SERGEF: variants seen among roughly 807,000 people sequenced by gnomAD.
SERGEF encodes the protein secretion-regulating guanine nucleotide exchange factor.
SERGEF carries 51 observed loss-of-function variants against 50.0 expected under a neutral mutation model. That is an observed-to-expected ratio of 1.02 (90% CI 0.81 to 1.29). The LOEUF (loss-of-function observed/expected upper bound fraction) is 1.29. Among genes scored for constraint, SERGEF ranks in the 50% most tolerant of loss-of-function variants. The pLI is 0.00. For synonymous variants in SERGEF, 205 were observed against 212.4 expected (o/e 0.97, Z 0.30); for missense variants, 521 against 557.0 (o/e 0.94, Z 0.65).
chr11:17,899,154 A>G lies in SERGEF; in HGVS notation c.1012-20910T>C, dbSNP rs1417662350. 3.9e-5 allele frequency among the ~76,000 whole-genome samples: 6 copies of G among 152,046 alleles called. No homozygotes were observed. In the South Asian group the frequency reaches 6.2e-4, roughly 16 times the overall value. On this transcript the variant is annotated intron_variant, in intron 9 of 10. Transcript: ENST00000265965. ...GCCTGCAGAACCATAAGCCAATGAA[A>G]CCTCTTTTCTTTATAATTTACCAAG...
chr11:17,861,366 C>A (rs1049316888), intron 10 of SERGEF, among the ~76,000 whole-genome samples: 4 of 152,220 alleles, frequency 2.6e-5, no homozygotes, highest in Admixed American at 2.6e-4. Flanking sequence ...GGGTGGCAAT[C>A]TTGCCCGTGG....
intron 9 of SERGEF, among the ~76,000 whole-genome samples, chr11:17,940,669 G>A (rs934327754): frequency 6.6e-6 from 1 of 152,056 alleles, no homozygotes; most frequent in African/African-American, 2.4e-5. Context: ...TAACTCCCAG[G>A]CTCAAGAGAT....
In SERGEF at chr11:17,872,731, A is replaced by C. The variant is rs1180462645; in HGVS notation, c.1048+5477T>G. 2.6e-5 allele frequency among the ~76,000 whole-genome samples: 4 copies of C among 152,248 alleles called. No homozygotes were observed. In the East Asian group the frequency reaches 7.7e-4, roughly 29 times the overall value. ...ATAATAACAAAAGACTAGAAATTAC[A>C]TAAATGTCCATGAACAGGTCACTAG... On this transcript the variant is annotated intron_variant, in intron 10 of 10. Coordinates refer to ENST00000265965, the MANE Select transcript of SERGEF (RefSeq NM_012139.4).
At chr11:17,863,275 C>T (rs996831913) in intron 10 of SERGEF, among the ~76,000 whole-genome samples, 12 of 152,130 alleles carry the variant, frequency 7.9e-5, no homozygotes, top group Middle Eastern at 3.4e-3. Flanking sequence ...TATCCTTTAA[C>T]GAAAAAAAAG....
intron 9 of SERGEF, among the ~76,000 whole-genome samples, chr11:17,894,599 C>A (rs1349245686): frequency 6.6e-6 from 1 of 152,114 alleles, no homozygotes; most frequent in Non-Finnish European, 1.5e-5. Flanking sequence ...TCATTTCTAT[C>A]CCCAGTGGCT....
At chr11:17,860,541 C>T (rs1387844128) in intron 10 of SERGEF, among the ~76,000 whole-genome samples, 1 of 152,014 alleles carries the variant, frequency 6.6e-6, no homozygotes, top group Non-Finnish European at 1.5e-5. Context: ...ATGGTTGGCT[C>T]CGGAAATTGG....
intron 9 of SERGEF, among the ~76,000 whole-genome samples, chr11:17,940,735 G>A (rs1001073368): frequency 1.3e-4 from 20 of 152,014 alleles, no homozygotes; most frequent in Non-Finnish European, 2.2e-4. Flanking sequence ...CACCATGACC[G>A]GCTTGATGAT....
intron 9 of SERGEF, among the ~76,000 whole-genome samples, chr11:17,880,283 T>C (rs569331786): frequency 4.1e-4 from 62 of 152,230 alleles, no homozygotes; most frequent in Non-Finnish European, 7.9e-4. Context: ...GGACCATATA[T>C]GCAGCACAAG....
At chr11:17,870,693 G>C (rs1389929586) in intron 10 of SERGEF, among the ~76,000 whole-genome samples, 2 of 152,072 alleles carry the variant, frequency 1.3e-5, no homozygotes, top group Non-Finnish European at 2.9e-5. Flanking sequence ...TCATAAAAGA[G>C]AAAATACAAA....
At chr11:17,993,558 C>T (rs1314910327) in intron 6 of SERGEF, among the ~76,000 whole-genome samples, 1 of 152,216 alleles carries the variant, frequency 6.6e-6, no homozygotes, top group Admixed American at 6.5e-5. Context: ...AAATTCAGCA[C>T]TTTTCCTTCC....
intron 10 of SERGEF, among the ~76,000 whole-genome samples, chr11:17,861,972 C>A (rs1850934753): frequency 1.3e-5 from 2 of 152,218 alleles, no homozygotes; most frequent in African/African-American, 2.4e-5. Context: ...TAGATCAAAT[C>A]AAGTCATTTC....
chr11:17,915,426 T>G (rs1852031378), intron 9 of SERGEF, among the ~76,000 whole-genome samples: 1 of 152,322 alleles, frequency 6.6e-6, no homozygotes, highest in East Asian at 1.9e-4. Context: ...ATCACCTAAC[T>G]GGCCCAAGGT....
chr11:17,920,508 A>G (rs1317600762), intron 9 of SERGEF, among the ~76,000 whole-genome samples: 4 of 152,230 alleles, frequency 2.6e-5, no homozygotes, highest in African/African-American at 9.6e-5. Flanking sequence ...TCAATGAACT[A>G]TCTCCATTTT....
chr11:17,800,728 C>T (rs982415002), intron 10 of SERGEF, among the ~76,000 whole-genome samples: 3 of 152,112 alleles, frequency 2.0e-5, no homozygotes, highest in Admixed American at 6.5e-5. Flanking sequence ...CCCTGAGTTG[C>T]GACCTGTAGG....
At chr11:18,005,382 T>C (rs996063977) in intron 3 of SERGEF, among the ~76,000 whole-genome samples, 20 of 152,180 alleles carry the variant, frequency 1.3e-4, no homozygotes, top group Admixed American at 9.2e-4. Flanking sequence ...GTCCATCAGA[T>C]AGACAAGAGG....
chr11:18,012,977 G>A lies in SERGEF; in HGVS notation c.34C>T (p.Pro12Ser). The A allele has an allele frequency of 1.4e-6, 2 of 1,471,226 alleles. No homozygotes were observed. Among genetic ancestry groups the A allele is most frequent in the East Asian group, 2.9e-5 (1 of 34,776 alleles). The allele number at this position is 1,471,226 out of a possible 1,614,324, so 91.1% of individuals were successfully genotyped here. ...CAGGCGAAGAGCGCGGCCGCCGCGG[G>A]GGCGGCCTCCGAGGCGCTGGGCTCG... ...EREPSASEAA[P>S]AAAALFAWGA... Residue 12 changes from proline (P) to serine (S), a missense_variant, in exon 1 of 11, where the codon CCC becomes TCC. Physicochemically the swap from Pro to Ser is moderately conservative, Grantham distance 74 (BLOSUM62 -1). Coordinates refer to ENST00000265965, the MANE Select transcript of SERGEF (RefSeq NM_012139.4).
chr11:17,894,395 T>C (rs1174867720), intron 9 of SERGEF, among the ~76,000 whole-genome samples: 1 of 152,184 alleles, frequency 6.6e-6, no homozygotes, highest in Non-Finnish European at 1.5e-5. Flanking sequence ...AACTGAGAAA[T>C]AGGATGGTTA....
At chr11:17,870,358 G>C (rs1253458941) in intron 10 of SERGEF, among the ~76,000 whole-genome samples, 2 of 152,208 alleles carry the variant, frequency 1.3e-5, no homozygotes, top group African/African-American at 2.4e-5. Context: ...GTAGAAAAGG[G>C]AGGCAGAAGA....
At chr11:17,795,472 A>G (rs1469584286) in intron 10 of SERGEF, among the ~76,000 whole-genome samples, 2 of 152,170 alleles carry the variant, frequency 1.3e-5, no homozygotes, top group Non-Finnish European at 2.9e-5. Context: ...GAAATCAGGC[A>G]GAAACACAGC....
Sources: gnomAD v4.1 joint callset for allele counts (sites outside exome capture counted in the v4.1 genomes callset) on GRCh38, gnomAD v4.1.1 for gene constraint, MANE v1.5 for transcripts, NCBI Gene and HGNC (gene_info 2026-07-23, HGNC 2026-07-21) for gene names.